The following BAZ1A variants were observed in gnomAD, a reference collection of about 807,000 sequenced individuals.
BAZ1A encodes bromodomain adjacent to zinc finger domain 1A, also known as bromodomain adjacent to zinc finger domain protein 1A.
Under a neutral mutation model 185.2 loss-of-function variants are expected in BAZ1A, and 50 were observed. That is an observed-to-expected ratio of 0.27 (90% CI 0.22 to 0.34). The LOEUF (loss-of-function observed/expected upper bound fraction) is 0.34. Ranked by LOEUF, BAZ1A falls within the 10% of genes least tolerant of loss-of-function variation. The pLI is 1.00. For synonymous variants in BAZ1A, 571 were observed against 615.6 expected (o/e 0.93, Z 1.07); for missense variants, 1,356 against 1,839.9 (o/e 0.74, Z 4.81).
At chr14:34,805,499 A>G (rs1292294615) in intron 6 of BAZ1A, among the ~76,000 whole-genome samples, 1 of 152,218 alleles carries the variant, frequency 6.6e-6, no homozygotes, top group African/African-American at 2.4e-5. Flanking sequence ...GGGTGTTTAC[A>G]ATATACATAT....
At chr14:34,816,859 G>C (rs1402067137) in intron 4 of BAZ1A, 5 of 447,064 alleles carry the variant, frequency 1.1e-5, no homozygotes, top group Non-Finnish European at 1.8e-5. Flanking sequence ...GGGGAAACCT[G>C]TATCAAGTAA....
rs1036785044 is a variant in BAZ1A at position 34,769,399 on chromosome 14, A to C, written c.3301+2112T>G. On this transcript the variant is annotated intron_variant, in intron 21 of 26. Coordinates refer to ENST00000360310, the MANE Select transcript of BAZ1A (RefSeq NM_013448.3). The stretch of plus-strand genomic sequence containing the variant: ...GTAACAAACTTTTCTTATTTCACTT[A>C]TTTCTTAAGATCTTGAATTATAACT... Among the ~76,000 whole-genome samples, 9 of 152,128 alleles carry C rather than the reference A, an allele frequency of 5.9e-5. No individual in the cohort carries two copies. In the East Asian group the frequency reaches 1.7e-3, roughly 29 times the overall value.
intron 24 of BAZ1A, 68 bp from the exon 25 acceptor site, chr14:34,758,914 G>A (rs1257746530): frequency 1.4e-6 from 2 of 1,474,682 alleles, no homozygotes; most frequent in Non-Finnish European, 1.9e-6. Flanking sequence ...ACGCCAAACT[G>A]GATATATAAA....
intron 3 of BAZ1A, among the ~76,000 whole-genome samples, chr14:34,860,317 G>A (rs987580186): frequency 6.6e-6 from 1 of 151,696 alleles, no homozygotes; most frequent in Non-Finnish European, 1.5e-5. Context: ...AGAGCTGCTG[G>A]GGCAACATGG....
chr14:34,754,807 G>A lies in BAZ1A; in HGVS notation c.4474+20C>T. 2 of 1,500,548 alleles carry A rather than the reference G, an allele frequency of 1.3e-6. No homozygotes were observed. Among genetic ancestry groups the A allele is most frequent in the South Asian group, 2.4e-5 (2 of 82,100 alleles). 93.0% of individuals were successfully genotyped at this position (1,500,548 alleles called of 1,614,324 possible). On this transcript the variant is annotated intron_variant, in intron 26 of 26. Transcript: ENST00000360310. ...ATGCCTTAGAAAAATAAATATCAAA[G>A]AAAAACATAAATTACTTACATGCTA...
intron 3 of BAZ1A, among the ~76,000 whole-genome samples, chr14:34,850,627 C>T (rs7148739): frequency 0.13 from 19,082 of 152,134 alleles, 1,407 homozygotes; most frequent in South Asian, 0.2. Flanking sequence ...GTAGTCTGTA[C>T]GCTAGCTAAA....
intron 3 of BAZ1A, among the ~76,000 whole-genome samples, chr14:34,831,446 A>G (rs1442210215): frequency 6.6e-6 from 1 of 152,352 alleles, no homozygotes; most frequent in Non-Finnish European, 1.5e-5. Context: ...TGGAGGAGAC[A>G]GTGTGCAGTG....
intron 4 of BAZ1A, among the ~76,000 whole-genome samples, chr14:34,814,009 C>CTCCA (rs1042605518): frequency 6.7e-6 from 1 of 149,370 alleles, no homozygotes; most frequent in Non-Finnish European, 1.5e-5. Context: ...CACCACTGTA[C>CTCCA]TCCAGCCTGG....
Position 34,874,415 on chromosome 14 carries a change from A to C in BAZ1A, c.113+77T>G. 1 of 1,377,310 alleles carries C rather than the reference A, an allele frequency of 7.3e-7. No homozygotes were observed. The highest frequency in any genetic ancestry group is 1.0e-6 in the Non-Finnish European group (1 of 974,868). The allele number at this position is 1,377,310 out of a possible 1,614,324, so 85.3% of individuals were successfully genotyped here. A position where few individuals can be genotyped will look rare whatever the true frequency, so the allele number is the denominator to read the frequency against. ...GCCCCGCCAGAAGCCCAGGGCGAGGAAAAGGAGAGAGACAAAAGAGCGCTG... is the reference window on the plus strand; with the variant it reads ...GCCCCGCCAGAAGCCCAGGGCGAGGCAAAGGAGAGAGACAAAAGAGCGCTG... On this transcript the variant is annotated intron_variant, in intron 2 of 26. Transcript: ENST00000360310. The surrounding 1 kb of genome is among the most constrained non-coding windows in gnomAD (Gnocchi z 4.7).
chr14:34,755,811 CTTTT>C (rs768269206), intron 25 of BAZ1A, among the ~76,000 whole-genome samples: 1 of 138,752 alleles, frequency 7.2e-6, no homozygotes, highest in Non-Finnish European at 1.6e-5. Flanking sequence ...TAATACCTAT[CTTTT>C]TTTTTTTTTT....
At chr14:34,759,801 A>C (rs754762246) in intron 24 of BAZ1A, among the ~76,000 whole-genome samples, 31 of 151,980 alleles carry the variant, frequency 2.0e-4, no homozygotes, top group Non-Finnish European at 3.7e-4. Context: ...CAGCCTCCCG[A>C]GTAGCTGGGA....
At chr14:34,793,975 G>GA (rs1371958038) in intron 11 of BAZ1A, among the ~76,000 whole-genome samples, 2 of 150,530 alleles carry the variant, frequency 1.3e-5, no homozygotes, top group African/African-American at 4.9e-5. Context: ...AAAAAAAAAA[G>GA]AAAAAAATTA....
intron 16 of BAZ1A, among the ~76,000 whole-genome samples, chr14:34,781,085 T>G (rs1478302186): frequency 6.6e-6 from 1 of 152,176 alleles, no homozygotes; most frequent in Non-Finnish European, 1.5e-5. Flanking sequence ...AAATTAAAAC[T>G]AAAATTATAT....
chr14:34,782,490 C>T (rs1880101429), intron 16 of BAZ1A, among the ~76,000 whole-genome samples: 1 of 151,730 alleles, frequency 6.6e-6, no homozygotes, highest in Non-Finnish European at 1.5e-5. Context: ...CTGAATCTTT[C>T]AATTTTTTAT....
chr14:34,773,503 C>CA (rs10713079), intron 20 of BAZ1A, 69 bp downstream of exon 20: 115,383 of 1,132,762 alleles, frequency 0.1, 718 homozygotes, highest in Admixed American at 0.18. Context: ...ACTTAAAAAC[C>CA]AAAAAAAAAA....
At position 34,867,369 on chromosome 14, in the gene BAZ1A, T is replaced by G. The variant is rs112299739; in HGVS notation, c.114-5047A>C. Among the ~76,000 whole-genome samples the G allele has an allele frequency of 1.3e-3, 192 of 152,318 alleles. 1 individual carries two copies. Among genetic ancestry groups the G allele is most frequent in the African/African-American group, 4.4e-3 (183 of 41,586 alleles). ...ATAACCCATCTGGCCAAGTAATGGC[T>G]CCTGTTCTGGACAGCACAGCTCTAG... On this transcript the variant is annotated intron_variant, in intron 2 of 26. Coordinates refer to ENST00000360310, the MANE Select transcript of BAZ1A (RefSeq NM_013448.3).
intron 3 of BAZ1A, among the ~76,000 whole-genome samples, chr14:34,856,467 T>C (rs1288685124): frequency 6.6e-6 from 1 of 152,104 alleles, no homozygotes; most frequent in African/African-American, 2.4e-5. Context: ...TTTTAATTTT[T>C]GTAGAGACAG....
chr14:34,819,962 TTCTAA>T (rs2138699150), intron 4 of BAZ1A, among the ~76,000 whole-genome samples: 1 of 150,090 alleles, frequency 6.7e-6, no homozygotes, highest in Admixed American at 6.8e-5. Context: ...ATTTTGGTCA[TTCTAA>T]TAAGTACATA....
intron 3 of BAZ1A, among the ~76,000 whole-genome samples, chr14:34,856,827 T>G (rs2042687504): frequency 3.0e-5 from 4 of 132,576 alleles, no homozygotes; most frequent in Admixed American, 2.6e-4. Flanking sequence ...CACTGCACTC[T>G]AGCCTGGGGC....
Sources: gnomAD v4.1 joint callset for allele counts (sites outside exome capture counted in the v4.1 genomes callset) on GRCh38, gnomAD v4.1.1 for gene constraint, Gnocchi (gnomAD v3.1) non-coding constraint, MANE v1.5 for transcripts, NCBI Gene and HGNC (gene_info 2026-07-23, HGNC 2026-07-21) for gene names.